CCT5: variants seen among roughly 807,000 people sequenced by gnomAD.
The protein encoded by CCT5 is chaperonin containing TCP1 subunit 5, also known as T-complex protein 1 subunit epsilon.
In CCT5, 6 loss-of-function variants were observed where a neutral mutation model predicts 55.0. The observed-to-expected ratio is 0.11, with a 90% CI of 0.06 to 0.22. The LOEUF is 0.22. CCT5 is among the 10% of genes least tolerant of loss of function. The probability of loss-of-function intolerance (pLI) is 1.00; values close to 1 mark genes in which losing one functional copy is unlikely to be tolerated. For missense variants in CCT5, 560 were observed against 694.6 expected (o/e 0.81, Z 2.18); for synonymous variants, 231 against 243.7 (o/e 0.95, Z 0.49).
rs1354708853 is a variant in CCT5 at position 10,258,025 on chromosome 5, T to G, written c.531-86T>G. The G allele has an allele frequency of 3.0e-6, 4 of 1,338,282 alleles. No homozygotes were observed. The African/African-American group carries it at 5.7e-5, about 19-fold the overall frequency. 82.9% of individuals were successfully genotyped at this position (1,338,282 alleles called of 1,614,324 possible). ...GACTCAAAACATCGTTTGATTTATA[T>G]CTTTGAGTAACATTGTGTTATGTGG... On this transcript the variant is annotated intron_variant, in intron 4 of 10. Coordinates refer to ENST00000280326, the MANE Select transcript of CCT5 (RefSeq NM_012073.5).
chr5:10,255,883 A>G lies in CCT5; in HGVS notation c.332-72A>G, dbSNP rs1745648901. ...CTGCTTCTTTCCATGATAGCATCTA[A>G]CTTGTGCTGATTATACTAAAAGTGA... On this transcript the variant is annotated intron_variant, in intron 3 of 10. Coordinates refer to ENST00000280326, the MANE Select transcript of CCT5 (RefSeq NM_012073.5). 4 of 1,320,162 alleles carry G rather than the reference A, an allele frequency of 3.0e-6. No homozygotes were observed. In the African/African-American group the frequency reaches 5.8e-5, roughly 19 times the overall value. The allele number at this position is 1,320,162 out of a possible 1,614,324, so 81.8% of individuals were successfully genotyped here.
Position 10,256,025 on chromosome 5 carries a change from C to T in CCT5, c.402C>T (p.Ala134=), listed in dbSNP as rs766563560. 5.0e-6 allele frequency: 8 copies of T among 1,614,006 alleles called. No homozygotes were observed. The highest frequency in any genetic ancestry group is 4.5e-5 in the East Asian group (2 of 44,888). ...GAGGCATTCACCCAATCAGAATAGC[C>T]GATGGCTATGAGCAGGCTGCTCGTG... ...LDRGIHPIRI[A]DGYEQAARVA... Residue 134 remains alanine, a synonymous_variant, in exon 4 of 11, where the codon GCC becomes GCT. Transcript: ENST00000280326.
At chr5:10,252,697 G>A (rs1038296432) in intron 1 of CCT5, among the ~76,000 whole-genome samples, 2 of 151,732 alleles carry the variant, frequency 1.3e-5, no homozygotes, top group Non-Finnish European at 2.9e-5. Flanking sequence ...AAACAGAGCA[G>A]GCTAAGTTTC....
chr5:10,263,663 G>A (rs1482944220), intron 10 of CCT5, among the ~76,000 whole-genome samples: 1 of 152,192 alleles, frequency 6.6e-6, no homozygotes, highest in Non-Finnish European at 1.5e-5. Context: ...GTGGGCTTTA[G>A]TTCACAGTTC....
At chr5:10,263,766 ATGG>A (rs1383369618) in intron 10 of CCT5, among the ~76,000 whole-genome samples, 7 of 152,080 alleles carry the variant, frequency 4.6e-5, no homozygotes, top group African/African-American at 1.7e-4. Context: ...CCAAAAAGAT[ATGG>A]TGGCTGTAGC....
At chr5:10,251,454 G>C (rs76402057) in intron 1 of CCT5, among the ~76,000 whole-genome samples, 2 of 152,150 alleles carry the variant, frequency 1.3e-5, no homozygotes, top group East Asian at 3.9e-4. Context: ...CTCCGAGAGG[G>C]CCTTCAGGGT....
intron 3 of CCT5, among the ~76,000 whole-genome samples, chr5:10,255,673 C>T (rs1034834432): frequency 5.3e-5 from 8 of 151,936 alleles, no homozygotes; most frequent in South Asian, 2.1e-4. Context: ...TAGCTTTTTA[C>T]CTCTTAGAAA....
rs1473208692 is a variant in CCT5, at chr5:10,255,984, G to A, written c.361G>A (p.Glu121Lys). Residue 121 changes from glutamate (E) to lysine (K), a missense_variant, in exon 4 of 11, where the codon GAG becomes AAG. Coordinates refer to ENST00000280326, the MANE Select transcript of CCT5 (RefSeq NM_012073.5). Reference sequence around the variant, plus strand: ...GGCTGGTGCCTTGTTAGAAGAAGCGGAGCAATTGCTAGACCGAGGCATTCA... The same window carrying A: ...GGCTGGTGCCTTGTTAGAAGAAGCGAAGCAATTGCTAGACCGAGGCATTCA... ...VLAGALLEEA[E>K]QLLDRGIHPI... The A allele has an allele frequency of 1.2e-6, 2 of 1,614,158 alleles. No homozygotes were observed. The highest frequency in any genetic ancestry group is 2.2e-5 in the South Asian group (2 of 91,054).
chr5:10,249,966 C>T (rs116666263), upstream of CCT5: 5,077 of 1,515,480 alleles, frequency 3.4e-3, 144 homozygotes, highest in African/African-American at 0.063. Context: ...TTCTCGGAGC[C>T]GGAGTGCGAA....
chr5:10,265,758 C>A lies in CCT5; in HGVS notation c.*975C>A, dbSNP rs990595073. ...CCCAGGCAGTCTGACCCCAGAGTGGCCCAGCTCATCCCCTACTCTGTTATT... is the reference window on the plus strand; with the variant it reads ...CCCAGGCAGTCTGACCCCAGAGTGGACCAGCTCATCCCCTACTCTGTTATT... On this transcript the variant is annotated 3_prime_UTR_variant, in exon 11 of 11. Coordinates refer to ENST00000280326, the MANE Select transcript of CCT5 (RefSeq NM_012073.5). The A allele has an allele frequency of 1.2e-5, 1 of 84,160 alleles. No homozygotes were observed. The highest frequency in any genetic ancestry group is 3.1e-5 in the Non-Finnish European group (1 of 31,790). 5.2% of individuals were successfully genotyped at this position (84,160 alleles called of 1,614,324 possible). A position where few individuals can be genotyped will look rare whatever the true frequency, so the allele number is the denominator to read the frequency against.
rs764768267 is a variant in CCT5 at position 10,256,179 on chromosome 5, A to T, written c.530+26A>T. ...GTACGTTTCAGTAGATGATATGATT[A>T]CCCATTTGTAGAGGAGGCAGTTTGT... On this transcript the variant is annotated intron_variant, in intron 4 of 10. Coordinates refer to ENST00000280326, the MANE Select transcript of CCT5 (RefSeq NM_012073.5). 7.5e-6 allele frequency: 12 copies of T among 1,596,886 alleles called. No homozygotes were observed. The African/African-American group carries it at 1.6e-4, about 21-fold the overall frequency.
chr5:10,263,342 A>T (rs2457155), intron 10 of CCT5, 28 bp downstream of exon 10: 16 of 48,368 alleles, frequency 3.3e-4, no homozygotes, highest in East Asian at 4.8e-3. Flanking sequence ...CTCTGCGTGG[A>T]GGGGGGGGGA....
Position 10,265,625 on chromosome 5 carries a change from C to G in CCT5, c.*842C>G, listed in dbSNP as rs951136684. The G allele has an allele frequency of 6.6e-6, 1 of 152,074 alleles. No homozygotes were observed. Among genetic ancestry groups the G allele is most frequent in the Non-Finnish European group, 1.5e-5 (1 of 68,026 alleles). The allele number at this position is 152,074 out of a possible 1,614,324, so 9.4% of individuals were successfully genotyped here. On this transcript the variant is annotated 3_prime_UTR_variant, in exon 11 of 11. Coordinates refer to ENST00000280326, the MANE Select transcript of CCT5 (RefSeq NM_012073.5). ...GAGAACTCTACCGGGATTGTCTGTT[C>G]TGACAACCCAGTGAGGCAGATACAC...
chr5:10,264,902 TAAAA>T lies in CCT5; in HGVS notation c.*121_*124del. 3 of 1,314,426 alleles carry T rather than the reference TAAAA, an allele frequency of 2.3e-6. No homozygotes were observed. Among genetic ancestry groups the T allele is most frequent in the Non-Finnish European group, 3.2e-6 (3 of 934,554 alleles). The allele number at this position is 1,314,426 out of a possible 1,614,324, so 81.4% of individuals were successfully genotyped here. On this transcript the variant is annotated 3_prime_UTR_variant, in exon 11 of 11. Coordinates refer to ENST00000280326, the MANE Select transcript of CCT5 (RefSeq NM_012073.5). ...TTTCCAGACACTGTAGATGCTATAA[TAAAA>T]ATAGCTGTTTGGTAACCATAGTTTC...
At position 10,260,805 on chromosome 5, in the gene CCT5, G is replaced by T. The variant is rs1339657729; in HGVS notation, c.887G>T (p.Gly296Val). ...TTCTTTTCCCAGATTAAAGAGACTG[G>T]TGCTAACCTAGCAATTTGTCAGTGG... ...EEMIQQIKET[G>V]ANLAICQWGF... is the part of the protein sequence containing the mutation. The change falls in exon 7 of 11, where the codon GGT (glycine) becomes GTT (valine). Residue 296 changes from glycine (G) to valine (V), a missense_variant. This residue lies in a region of CCT5 where 256 missense variants were observed against 372.4 expected (regional missense o/e 0.69). Transcript: ENST00000280326. The T allele has an allele frequency of 6.2e-7, 1 of 1,613,658 alleles. No homozygotes were observed. Among genetic ancestry groups the T allele is most frequent in the Non-Finnish European group, 8.5e-7 (1 of 1,179,934 alleles).
Position 10,265,778 on chromosome 5 carries a change from G to C in CCT5, c.*995G>C, listed in dbSNP as rs78817560. ...AGTGGCCCAGCTCATCCCCTACTCT[G>C]TTATTTGCTTGTTAATGATTCTCTA... On this transcript the variant is annotated 3_prime_UTR_variant, in exon 11 of 11. Coordinates refer to ENST00000280326, the MANE Select transcript of CCT5 (RefSeq NM_012073.5). 1.0e-5 allele frequency: 1 copy of C among 99,478 alleles called. No individual in the cohort carries two copies. The highest frequency in any genetic ancestry group is 2.4e-5 in the Non-Finnish European group (1 of 42,240). 6.2% of individuals were successfully genotyped at this position (99,478 alleles called of 1,614,324 possible).
At chr5:10,253,362 A>G (rs1407102597) in intron 1 of CCT5, among the ~76,000 whole-genome samples, 1 of 150,272 alleles carries the variant, frequency 6.7e-6, no homozygotes, top group East Asian at 1.9e-4. Context: ...ACTTTGATCT[A>G]TAAATATAAT....
chr5:10,264,595 T>C (rs949931515), intron 10 of CCT5, 61 bp from the exon 11 acceptor site: 19 of 1,092,612 alleles, frequency 1.7e-5, no homozygotes, highest in Non-Finnish European at 2.1e-5. Context: ...TCAGAAAGAG[T>C]TGGTTATTGA....
chr5:10,264,394 A>T (rs1029157618), intron 10 of CCT5, among the ~76,000 whole-genome samples: 53 of 152,316 alleles, frequency 3.5e-4, no homozygotes, highest in African/African-American at 1.2e-3. Context: ...GTTCCTGAAA[A>T]ATGTCACCCT....
Sources: gnomAD v4.1 joint callset for allele counts (sites outside exome capture counted in the v4.1 genomes callset) on GRCh38, gnomAD v4.1.1 for gene constraint, gnomAD v4.1.1 regional missense constraint, MANE v1.5 for transcripts, NCBI Gene and HGNC (gene_info 2026-07-23, HGNC 2026-07-21) for gene names.